Variants in CHSY3 observed in about 807,000 individuals in gnomAD.
CHSY3 encodes chondroitin sulfate synthase 3.
A neutral mutation model predicts 67.2 loss-of-function variants in CHSY3; 35 were observed. The ratio of observed to expected loss-of-function variants is 0.52; its 90% CI spans 0.40 to 0.69. The LOEUF (loss-of-function observed/expected upper bound fraction) is 0.69, where lower values mean the gene tolerates loss of function less well. Ranked by LOEUF, CHSY3 falls within the 30% of genes least tolerant of loss-of-function variation. The pLI is 0.00. For synonymous variants in CHSY3, 474 were observed against 434.7 expected (o/e 1.09, Z -1.12); for missense variants, 1,069 against 1,138.5 (o/e 0.94, Z 0.88).
At chr5:130,005,798 T>C (rs1226285562) in intron 2 of CHSY3, among the ~76,000 whole-genome samples, 1 of 152,246 alleles carries the variant, frequency 6.6e-6, no homozygotes, top group African/African-American at 2.4e-5. Flanking sequence ...GTCTGAAATA[T>C]TTAATTGAAA....
At chr5:130,023,839 G>A (rs960726845) in intron 2 of CHSY3, among the ~76,000 whole-genome samples, 1 of 151,840 alleles carries the variant, frequency 6.6e-6, no homozygotes, top group African/African-American at 2.4e-5. Context: ...TTTAGCCTCA[G>A]ATAGGAGGAA....
intron 2 of CHSY3, among the ~76,000 whole-genome samples, chr5:130,064,582 A>C (rs1201972390): frequency 6.6e-6 from 1 of 152,176 alleles, no homozygotes; most frequent in Non-Finnish European, 1.5e-5. Flanking sequence ...CAATTTGGGA[A>C]ACAGTTGAAA....
chr5:130,126,776 T>C (rs920243678), intron 2 of CHSY3, among the ~76,000 whole-genome samples: 2 of 152,192 alleles, frequency 1.3e-5, no homozygotes, highest in African/African-American at 2.4e-5. Context: ...ACCAAGACAC[T>C]TTAAGAATAA....
chr5:129,965,890 G>A (rs1762455955), intron 2 of CHSY3, among the ~76,000 whole-genome samples: 1 of 151,788 alleles, frequency 6.6e-6, no homozygotes, highest in African/African-American at 2.4e-5. Flanking sequence ...TGAGATCAGA[G>A]CCTTAAATTC....
chr5:130,060,044 G>C (rs1169610594), intron 2 of CHSY3, among the ~76,000 whole-genome samples: 1 of 151,462 alleles, frequency 6.6e-6, no homozygotes, highest in Non-Finnish European at 1.5e-5. Flanking sequence ...TCAAGGAGGA[G>C]GAATTCCTCC....
At chr5:130,085,363 G>C (rs1766580855) in intron 2 of CHSY3, among the ~76,000 whole-genome samples, 1 of 151,906 alleles carries the variant, frequency 6.6e-6, no homozygotes, top group Non-Finnish European at 1.5e-5. Flanking sequence ...ATTAGACTCA[G>C]TGTCAGAAAA....
intron 2 of CHSY3, among the ~76,000 whole-genome samples, chr5:130,057,004 AG>A (rs1765554651): frequency 7.1e-6 from 1 of 140,430 alleles, no homozygotes; most frequent in Non-Finnish European, 1.5e-5. Context: ...GCTCACTGCA[AG>A]CTCCTCCTCC....
chr5:130,023,769 C>G (rs4329043), intron 2 of CHSY3, among the ~76,000 whole-genome samples: 79,129 of 151,692 alleles, frequency 0.52, 21,297 homozygotes, highest in East Asian at 0.67. Context: ...CCACCCTTTT[C>G]TGTTTTTTTT....
intron 2 of CHSY3, among the ~76,000 whole-genome samples, chr5:130,055,633 CTAGTAGTA>C (rs2149673775): frequency 6.6e-6 from 1 of 152,136 alleles, no homozygotes; most frequent in African/African-American, 2.4e-5. Flanking sequence ...CACATACACC[CTAGTAGTA>C]TATATATGTC....
intron 2 of CHSY3, among the ~76,000 whole-genome samples, chr5:130,075,968 C>T (rs1396127161): frequency 6.6e-6 from 1 of 152,144 alleles, no homozygotes; most frequent in East Asian, 1.9e-4. Context: ...CTTAAAATCT[C>T]GGTTATCTTT....
intron 2 of CHSY3, among the ~76,000 whole-genome samples, chr5:129,982,135 T>G (rs1413464806): frequency 2.0e-5 from 3 of 152,148 alleles, no homozygotes; most frequent in Non-Finnish European, 4.4e-5. Context: ...ACCATGCATA[T>G]TTTTTACTTT....
intron 2 of CHSY3, among the ~76,000 whole-genome samples, chr5:129,919,206 T>A (rs915793956): frequency 6.6e-6 from 1 of 151,684 alleles, no homozygotes; most frequent in Admixed American, 6.6e-5. Flanking sequence ...ACATTGAAGG[T>A]CTTATTTATT....
rs1018981522 is a variant in CHSY3 at position 130,126,087 on chromosome 5, C to T, written c.1087-58142C>T. Reference sequence around the variant, plus strand: ...TTATTGCTCCTTGATGAATGCTATTCTAATTAATAATCACATTTTGAGGTT... The same window carrying T: ...TTATTGCTCCTTGATGAATGCTATTTTAATTAATAATCACATTTTGAGGTT... On this transcript the variant is annotated intron_variant, in intron 2 of 2. Transcript: ENST00000305031. Among the ~76,000 whole-genome samples the T allele has an allele frequency of 2.6e-5, 4 of 152,182 alleles. No individual in the cohort carries two copies. In the Middle Eastern group the frequency reaches 0.014, roughly 518 times the overall value.
intron 2 of CHSY3, among the ~76,000 whole-genome samples, chr5:130,136,829 A>G (rs1430678817): frequency 1.3e-5 from 2 of 152,202 alleles, no homozygotes; most frequent in Non-Finnish European, 2.9e-5. Flanking sequence ...TAAAGCATAT[A>G]ATAAATGTTA....
intron 2 of CHSY3, among the ~76,000 whole-genome samples, chr5:130,120,028 C>T (rs1286489786): frequency 2.0e-5 from 3 of 152,122 alleles, no homozygotes; most frequent in African/African-American, 7.2e-5. Flanking sequence ...GATTACTATA[C>T]ACATTTAAAC....
At position 130,185,271 on chromosome 5, in the gene CHSY3, A is replaced by G; in HGVS notation, c.2129A>G (p.Asn710Ser). 1 of 1,609,996 alleles carries G rather than the reference A, an allele frequency of 6.2e-7. No homozygotes were observed. Among genetic ancestry groups the G allele is most frequent in the Non-Finnish European group, 8.5e-7 (1 of 1,176,342 alleles). The change falls in exon 3 of 3, where the codon AAT becomes AGT. Residue 710 changes from asparagine (N) to serine (S), a missense_variant. Physicochemically the swap from Asn to Ser is conservative, Grantham distance 46. Transcript: ENST00000305031. ...GLEMASAQFD[N>S]DTLLLFCDVD... is the part of the protein sequence containing the mutation. ...GAAATGGCTTCTGCCCAGTTTGACA[A>G]TGACACTTTGCTGCTATTTTGTGAT...
In CHSY3 at chr5:129,905,593, A is replaced by C. The variant is rs1361557309; in HGVS notation, c.764A>C (p.Glu255Ala). 8 of 1,613,612 alleles carry C rather than the reference A, an allele frequency of 5.0e-6. No individual in the cohort carries two copies. The highest frequency in any genetic ancestry group is 6.8e-6 in the Non-Finnish European group (8 of 1,180,010). Residue 255 changes from glutamate to alanine, a missense_variant, in exon 1 of 3, where the codon GAG becomes GCG. Glu to Ala is a moderately radical substitution (Grantham distance 107, BLOSUM62 -1). Around this residue, in one of 5 missense-constraint regions of CHSY3, gnomAD observed 216 missense variants for 311.5 expected, o/e 0.69. Transcript: ENST00000305031. Reference protein sequence around the residue: ...YMHDHYLDKYEWFMRADDDVY... With the variant: ...YMHDHYLDKYAWFMRADDDVY... ...CACGACCACTACCTGGACAAGTATG[A>C]GTGGTTCATGCGCGCCGACGACGAT...
intron 2 of CHSY3, among the ~76,000 whole-genome samples, chr5:130,032,529 A>T (rs1207332888): frequency 6.6e-6 from 1 of 152,026 alleles, no homozygotes; most frequent in Non-Finnish European, 1.5e-5. Context: ...CACCTATCCT[A>T]AGCCTAGTGA....
intron 2 of CHSY3, among the ~76,000 whole-genome samples, chr5:130,039,909 T>G (rs1460597416): frequency 6.6e-6 from 1 of 152,164 alleles, no homozygotes; most frequent in African/African-American, 2.4e-5. Flanking sequence ...TTTATAGTAT[T>G]TGATTTTCCA....
Sources: gnomAD v4.1 joint callset for allele counts (sites outside exome capture counted in the v4.1 genomes callset) on GRCh38, gnomAD v4.1.1 for gene constraint, gnomAD v4.1.1 regional missense constraint, MANE v1.5 for transcripts, NCBI Gene and HGNC (gene_info 2026-07-23, HGNC 2026-07-21) for gene names.